TCF7L1: variants seen among roughly 807,000 people sequenced by gnomAD.
TCF7L1 encodes the protein transcription factor 7-like 1.
TCF7L1 carries 18 observed loss-of-function variants against 63.7 expected under a neutral mutation model. That is an observed-to-expected ratio of 0.28 (90% CI 0.20 to 0.42). TCF7L1 has a LOEUF of 0.42. Ranked by LOEUF, TCF7L1 falls within the 10% of genes least tolerant of loss-of-function variation. The probability of loss-of-function intolerance (pLI) is 1.00; values close to 1 mark genes in which losing one functional copy is unlikely to be tolerated. For missense variants in TCF7L1, 654 were observed against 779.3 expected (o/e 0.84, Z 1.91); for synonymous variants, 355 against 340.9 (o/e 1.04, Z -0.46).
At chr2:85,264,223 C>T (rs902285029) in intron 3 of TCF7L1, among the ~76,000 whole-genome samples, 1 of 152,206 alleles carries the variant, frequency 6.6e-6, no homozygotes, top group Non-Finnish European at 1.5e-5. Flanking sequence ...TGAACCATGA[C>T]TTGGAGTTTA....
chr2:85,282,034 C>A (rs1681432130), intron 3 of TCF7L1, among the ~76,000 whole-genome samples: 1 of 152,148 alleles, frequency 6.6e-6, no homozygotes, highest in Non-Finnish European at 1.5e-5. Context: ...GTCGTCCAGG[C>A]TGTAGTGCCA....
In TCF7L1 at chr2:85,210,320, A is replaced by T. The variant is rs148454585; in HGVS notation, c.442-73175A>T. Among the ~76,000 whole-genome samples, 260 of 152,322 alleles carry T rather than the reference A, an allele frequency of 1.7e-3. 1 individual carries two copies. Among genetic ancestry groups the T allele is most frequent in the African/African-American group, 5.9e-3 (246 of 41,562 alleles). ...GGGAGGCTGAGGGCCCAGCACAGCTATGGCCCCTGGCTGGAGCCCTGTAGT... is the reference window on the plus strand; with the variant it reads ...GGGAGGCTGAGGGCCCAGCACAGCTTTGGCCCCTGGCTGGAGCCCTGTAGT... On this transcript the variant is annotated intron_variant, in intron 3 of 11. Transcript: ENST00000282111.
intron 3 of TCF7L1, among the ~76,000 whole-genome samples, chr2:85,215,966 G>A (rs1322036987): frequency 1.3e-5 from 2 of 152,154 alleles, no homozygotes; most frequent in African/African-American, 4.8e-5. Context: ...GGTTTTTGTG[G>A]TCAAATTAGG....
chr2:85,261,632 C>G (rs1316114617), intron 3 of TCF7L1, among the ~76,000 whole-genome samples: 1 of 152,190 alleles, frequency 6.6e-6, no homozygotes, highest in African/African-American at 2.4e-5. Context: ...TGGCTCACAC[C>G]TGTAATCCCA....
At chr2:85,166,753 G>A (rs1170931878) in intron 3 of TCF7L1, among the ~76,000 whole-genome samples, 1 of 152,214 alleles carries the variant, frequency 6.6e-6, no homozygotes, top group African/African-American at 2.4e-5. Flanking sequence ...CCCAAAGCTG[G>A]TCATGGGTTG....
Position 85,303,900 on chromosome 2 carries a change from C to A in TCF7L1, c.664C>A (p.Pro222Thr), listed in dbSNP as rs761198277. The A allele has an allele frequency of 2.8e-5, 45 of 1,610,820 alleles. No homozygotes were observed. Among genetic ancestry groups the A allele is most frequent in the Non-Finnish European group, 3.7e-5 (44 of 1,177,942 alleles). ...ATATCTCTCTTTGGAAGCAGGAATC[C>A]CCCGGCCCCCTCACCCATCCGAGCT... ...SPEIDPKTGIPRPPHPSELSP... is the reference protein window; with the variant it reads ...SPEIDPKTGITRPPHPSELSP... The change falls in exon 6 of 12, where the codon CCC becomes ACC. Residue 222 changes from proline (P) to threonine (T), a missense_variant. Transcript: ENST00000282111.
At chr2:85,220,657 C>A (rs1175133924) in intron 3 of TCF7L1, among the ~76,000 whole-genome samples, 1 of 152,082 alleles carries the variant, frequency 6.6e-6, no homozygotes, top group Non-Finnish European at 1.5e-5. Context: ...AGCCACTGCA[C>A]CCAGCCTATA....
chr2:85,276,486 A>G (rs1217850179), intron 3 of TCF7L1, among the ~76,000 whole-genome samples: 1 of 152,210 alleles, frequency 6.6e-6, no homozygotes, highest in East Asian at 1.9e-4. Context: ...ATGTAACAGG[A>G]ACCTATACTA....
intron 3 of TCF7L1, among the ~76,000 whole-genome samples, chr2:85,138,496 G>A (rs1677647686): frequency 6.6e-6 from 1 of 151,998 alleles, no homozygotes; most frequent in South Asian, 2.1e-4. Context: ...TATAACTTCT[G>A]TTTCATTTTT....
At chr2:85,255,745 G>C (rs1441350689) in intron 3 of TCF7L1, among the ~76,000 whole-genome samples, 2 of 152,174 alleles carry the variant, frequency 1.3e-5, no homozygotes, top group Non-Finnish European at 2.9e-5. Context: ...GGTTGCTGTA[G>C]GCCTGCATTA....
chr2:85,164,344 G>A lies in TCF7L1; in HGVS notation c.441+29894G>A, dbSNP rs111865887. On this transcript the variant is annotated intron_variant, in intron 3 of 11. Transcript: ENST00000282111. Reference sequence around the variant, plus strand: ...CAGTGGCTGAAGGGAGAGGTGAACTGTGAGAGATGGGCCCCTCTTGCCTAA... The same window carrying A: ...CAGTGGCTGAAGGGAGAGGTGAACTATGAGAGATGGGCCCCTCTTGCCTAA... 4.6e-3 allele frequency among the ~76,000 whole-genome samples: 698 copies of A among 152,332 alleles called. 6 individuals carry two copies. Among genetic ancestry groups the A allele is most frequent in the African/African-American group, 0.016 (651 of 41,570 alleles).
intron 3 of TCF7L1, chr2:85,205,021 T>C (rs1481304280): frequency 1.3e-5 from 2 of 152,048 alleles, no homozygotes; most frequent in African/African-American, 4.8e-5. Context: ...TTGTGAAGCG[T>C]TTCATATTTT....
At chr2:85,136,893 C>T (rs1022880659) in intron 3 of TCF7L1, among the ~76,000 whole-genome samples, 2 of 152,120 alleles carry the variant, frequency 1.3e-5, no homozygotes, top group African/African-American at 4.8e-5. Flanking sequence ...ATAATTGTCA[C>T]TGTAGGCAAA....
chr2:85,297,684 G>C (rs1681863498), intron 4 of TCF7L1, among the ~76,000 whole-genome samples: 1 of 151,922 alleles, frequency 6.6e-6, no homozygotes, highest in South Asian at 2.1e-4. Flanking sequence ...AGTTAGCCCG[G>C]CATGGTGGGA....
intron 6 of TCF7L1, 74 bp from the exon 7 acceptor site, chr2:85,304,181 C>T (rs1358614514): frequency 3.4e-6 from 5 of 1,477,376 alleles, no homozygotes; most frequent in Non-Finnish European, 2.8e-6. Flanking sequence ...TTTCTCATCC[C>T]TTCTTCCCAA....
At chr2:85,225,306 C>A (rs1267704872) in intron 3 of TCF7L1, among the ~76,000 whole-genome samples, 2 of 152,146 alleles carry the variant, frequency 1.3e-5, no homozygotes, top group South Asian at 2.1e-4. Flanking sequence ...TTTTCCAATT[C>A]TGTGAAGAAA....
At chr2:85,284,441 C>T (rs558399934) in intron 4 of TCF7L1, among the ~76,000 whole-genome samples, 1 of 152,350 alleles carries the variant, frequency 6.6e-6, no homozygotes, top group African/African-American at 2.4e-5. Flanking sequence ...AGGGTCTGGA[C>T]AATCCTGGGA....
chr2:85,261,088 G>A (rs1009179981), intron 3 of TCF7L1, among the ~76,000 whole-genome samples: 2 of 149,522 alleles, frequency 1.3e-5, no homozygotes, highest in African/African-American at 4.9e-5. Flanking sequence ...ATACTCAAGT[G>A]TTATTTGTTT....
chr2:85,290,373 G>T (rs903644461), intron 4 of TCF7L1, among the ~76,000 whole-genome samples: 2 of 151,458 alleles, frequency 1.3e-5, no homozygotes, highest in African/African-American at 2.4e-5. Flanking sequence ...TTAGGGTCTC[G>T]CTATGTTGCT....
Sources: allele counts gnomAD v4.1 joint callset (sites outside exome capture counted in the v4.1 genomes callset), GRCh38; gene constraint gnomAD v4.1.1; transcripts MANE v1.5; gene names NCBI Gene and HGNC (gene_info 2026-07-23, HGNC 2026-07-21).